The following FSTL5 variants were observed in gnomAD, a reference collection of about 807,000 sequenced individuals.
FSTL5 encodes the protein follistatin like 5.
In FSTL5, 62 loss-of-function variants were observed where a neutral mutation model predicts 89.1. That is an observed-to-expected ratio of 0.70 (90% CI 0.57 to 0.86). The LOEUF is 0.86. Among genes scored for constraint, FSTL5 ranks in the 40% least tolerant of loss-of-function variants. FSTL5 has a pLI of 0.00. For synonymous variants in FSTL5, 383 were observed against 346.2 expected (o/e 1.11, Z -1.18); for missense variants, 1,057 against 1,001.6 (o/e 1.06, Z -0.75).
chr4:161,631,229 T>C (rs1456063862), intron 7 of FSTL5, among the ~76,000 whole-genome samples: 1 of 152,234 alleles, frequency 6.6e-6, no homozygotes, highest in African/African-American at 2.4e-5. Flanking sequence ...TTTCTCATAT[T>C]CCTTTAGAAT....
At chr4:161,491,669 C>G (rs1306087725) in intron 12 of FSTL5, among the ~76,000 whole-genome samples, 2 of 151,912 alleles carry the variant, frequency 1.3e-5, no homozygotes, top group African/African-American at 4.8e-5. Context: ...GCTGAAACCC[C>G]GTCTCTACTA....
At chr4:161,394,620 A>T (rs1560873497) in intron 15 of FSTL5, among the ~76,000 whole-genome samples, 1 of 152,178 alleles carries the variant, frequency 6.6e-6, no homozygotes, top group Non-Finnish European at 1.5e-5. Flanking sequence ...TACACATATG[A>T]TCAATACTAG....
intron 4 of FSTL5, among the ~76,000 whole-genome samples, chr4:161,833,710 CTT>C (rs1199459204): frequency 5.3e-5 from 8 of 151,666 alleles, no homozygotes; most frequent in Non-Finnish European, 1.2e-4. Context: ...CAACCCCTGC[CTT>C]TTTTTGCTTT....
chr4:161,407,096 T>C (rs1292654872), intron 15 of FSTL5, among the ~76,000 whole-genome samples: 1 of 152,150 alleles, frequency 6.6e-6, no homozygotes, highest in Non-Finnish European at 1.5e-5. Flanking sequence ...CCTTTGGAGG[T>C]AAGCAAAGCA....
chr4:162,029,261 A>G (rs1737425089), intron 3 of FSTL5, among the ~76,000 whole-genome samples: 2 of 152,024 alleles, frequency 1.3e-5, no homozygotes, highest in Non-Finnish European at 2.9e-5. Flanking sequence ...TTGATTAGAT[A>G]TAGTCTTAAC....
chr4:161,665,329 C>T (rs980301791), intron 6 of FSTL5, among the ~76,000 whole-genome samples: 5 of 152,234 alleles, frequency 3.3e-5, no homozygotes, highest in Non-Finnish European at 5.9e-5. Context: ...GCAAGCTCCG[C>T]CTCCCAGGTT....
intron 3 of FSTL5, among the ~76,000 whole-genome samples, chr4:162,028,966 T>A (rs1365564689): frequency 6.6e-6 from 1 of 152,128 alleles, no homozygotes; most frequent in Non-Finnish European, 1.5e-5. Flanking sequence ...AGATTTGGAG[T>A]TCACTATTTC....
intron 10 of FSTL5, among the ~76,000 whole-genome samples, chr4:161,519,866 C>T (rs953235248): frequency 1.3e-5 from 2 of 151,920 alleles, no homozygotes; most frequent in African/African-American, 4.8e-5. Flanking sequence ...GTTTAACTTC[C>T]CCATTTAGAA....
chr4:161,705,393 T>C (rs1464024546), intron 6 of FSTL5, among the ~76,000 whole-genome samples: 2 of 152,108 alleles, frequency 1.3e-5, no homozygotes, highest in African/African-American at 2.4e-5. Flanking sequence ...AACAGTAGCA[T>C]TGATTTTTGA....
At chr4:161,745,520 A>C in intron 6 of FSTL5, among the ~76,000 whole-genome samples, 1 of 152,118 alleles carries the variant, frequency 6.6e-6, no homozygotes, top group East Asian at 1.9e-4. Context: ...CTGTTGTTTA[A>C]ACATATTTAA....
chr4:161,481,162 A>C lies in FSTL5; in HGVS notation c.1466T>G (p.Val489Gly). 6.3e-7 allele frequency: 1 copy of C among 1,598,234 alleles called. No homozygotes were observed. The highest frequency in any genetic ancestry group is 8.5e-7 in the Non-Finnish European group (1 of 1,172,990). The change falls in exon 13 of 16, where the codon GTC (valine) becomes GGC (glycine). Residue 489 changes from valine to glycine, a missense_variant. By Grantham distance (109) the Val-to-Gly change is moderately radical. Around this residue, in one of 3 missense-constraint regions of FSTL5, gnomAD observed 980 missense variants for 903.2 expected, o/e 1.08. Coordinates refer to ENST00000306100, the MANE Select transcript of FSTL5 (RefSeq NM_020116.5). The stretch of plus-strand genomic sequence containing the variant: ...TTCATCTCCCTCAGCTTTGGGACAG[A>C]CTTCATCCTGTAATTTAGGAAAGAG... Reference protein sequence around the residue: ...SEKLLGFQDEVCPKAEGDEVQ... With the variant: ...SEKLLGFQDEGCPKAEGDEVQ...
At chr4:161,925,316 C>G (rs1734092985) in intron 3 of FSTL5, among the ~76,000 whole-genome samples, 1 of 151,850 alleles carries the variant, frequency 6.6e-6, no homozygotes, top group Non-Finnish European at 1.5e-5. Flanking sequence ...AGAATTTTGA[C>G]TTTGACTTTC....
intron 6 of FSTL5, among the ~76,000 whole-genome samples, chr4:161,667,686 G>T (rs1211711320): frequency 6.6e-6 from 1 of 152,062 alleles, no homozygotes; most frequent in Non-Finnish European, 1.5e-5. Context: ...ACTGCCCTGT[G>T]AAGTACATAC....
intron 7 of FSTL5, among the ~76,000 whole-genome samples, chr4:161,619,644 A>T (rs1311641843): frequency 6.6e-6 from 1 of 152,212 alleles, no homozygotes; most frequent in East Asian, 1.9e-4. Context: ...ATGAGATACC[A>T]TCTCACACCA....
chr4:161,811,640 AGCGGGC>A (rs2126839770), intron 4 of FSTL5, among the ~76,000 whole-genome samples: 1 of 152,252 alleles, frequency 6.6e-6, no homozygotes, highest in South Asian at 2.1e-4. Flanking sequence ...GATTATATCA[AGCGGGC>A]TTGAAAAAAA....
intron 4 of FSTL5, among the ~76,000 whole-genome samples, chr4:161,815,346 T>C (rs954961584): frequency 2.6e-5 from 4 of 152,120 alleles, no homozygotes. Context: ...ATCTGGAAAA[T>C]AGTGTGTTGC....
At chr4:162,017,184 T>C (rs1736938222) in intron 3 of FSTL5, among the ~76,000 whole-genome samples, 1 of 152,204 alleles carries the variant, frequency 6.6e-6, no homozygotes, top group Admixed American at 6.6e-5. Flanking sequence ...GTAATTATGA[T>C]CATCGGACCT....
intron 1 of FSTL5, among the ~76,000 whole-genome samples, chr4:162,111,926 T>C (rs756921750): frequency 6.6e-6 from 1 of 152,172 alleles, no homozygotes; most frequent in Non-Finnish European, 1.5e-5. Flanking sequence ...GTTATGCAGG[T>C]GGATTATATT....
intron 15 of FSTL5, among the ~76,000 whole-genome samples, chr4:161,410,371 T>C (rs553433687): frequency 6.6e-6 from 1 of 152,334 alleles, no homozygotes; most frequent in South Asian, 2.1e-4. Flanking sequence ...CTTGACCAAC[T>C]GGACCTTGTC....
Sources: allele counts gnomAD v4.1 joint callset (sites outside exome capture counted in the v4.1 genomes callset), GRCh38; gene constraint gnomAD v4.1.1; regional missense constraint gnomAD v4.1.1; transcripts MANE v1.5; gene names NCBI Gene and HGNC (gene_info 2026-07-23, HGNC 2026-07-21).